Variants in OR52H1 observed in about 807,000 individuals in gnomAD.
OR52H1 encodes olfactory receptor family 52 subfamily H member 1, also known as olfactory receptor 52H1.
For synonymous variants in OR52H1, 148 were observed against 138.6 expected (o/e 1.07, Z -0.48); for missense variants, 383 against 396.4 (o/e 0.97, Z 0.29).
intron 1 of OR52H1, among the ~76,000 whole-genome samples, chr11:5,546,648 T>C (rs754012963): frequency 6.6e-6 from 1 of 152,234 alleles, no homozygotes; most frequent in Non-Finnish European, 1.5e-5. Context: ...CCAACTTGTC[T>C]GAGGTCATCC....
intron 1 of OR52H1, among the ~76,000 whole-genome samples, chr11:5,548,168 G>A (rs1846878065): frequency 1.3e-5 from 2 of 152,164 alleles, no homozygotes; most frequent in African/African-American, 2.4e-5. Flanking sequence ...TAGAGTTATG[G>A]ACTCTTGTCA....
Position 5,545,394 on chromosome 11 carries a change from T to G in OR52H1, c.112A>C (p.Ile38Leu), listed in dbSNP as rs764311957. 1.2e-6 allele frequency: 2 copies of G among 1,614,090 alleles called. No homozygotes were observed. Among genetic ancestry groups the G allele is most frequent in the Admixed American group, 1.7e-5 (1 of 60,014 alleles). The change falls in exon 2 of 2, where the codon ATT becomes CTT. Residue 38 changes from isoleucine to leucine, a missense_variant. Transcript: ENST00000322653. ...ATGCAGTTTCCCACAACAGCTACAA[T>G]GTAGATGATACAGAAGGGAATTCCA... ...WIGIPFCIIYIVAVVGNCILL... is the reference protein window; with the variant it reads ...WIGIPFCIIYLVAVVGNCILL...
chr11:5,545,323 C>T lies in OR52H1; in HGVS notation c.183G>A (p.Met61Ile), dbSNP rs776319952. 6.2e-7 allele frequency: 1 copy of T among 1,614,164 alleles called. No homozygotes were observed. Among genetic ancestry groups the T allele is most frequent in the East Asian group, 2.2e-5 (1 of 44,880 alleles). Residue 61 changes from methionine (M) to isoleucine (I), a missense_variant, in exon 2 of 2, where the codon ATG becomes ATA. By Grantham distance (10) the Met-to-Ile change is conservative. Transcript: ENST00000322653. ...TGGCCAGCATGGAGAGAAAGAAGAACATGGGTTCATGAAGACTATGCTCCA... is the reference window on the plus strand; with the variant it reads ...TGGCCAGCATGGAGAGAAAGAAGAATATGGGTTCATGAAGACTATGCTCCA... ...IVVEHSLHEPMFFFLSMLAMT... is the reference protein window; with the variant it reads ...IVVEHSLHEPIFFFLSMLAMT...
At position 5,545,216 on chromosome 11, in the gene OR52H1, G is replaced by A. The variant is rs1345192221; in HGVS notation, c.290C>T (p.Pro97Leu). 6.2e-7 allele frequency: 1 copy of A among 1,614,024 alleles called. No individual in the cohort carries two copies. Among genetic ancestry groups the A allele is most frequent in the African/African-American group, 1.3e-5 (1 of 74,916 alleles). Residue 97 changes from proline to leucine, a missense_variant, in exon 2 of 2, where the codon CCA (proline) becomes CTA (leucine). Coordinates refer to ENST00000322653, the MANE Select transcript of OR52H1 (RefSeq NM_001005289.5). The part of the protein sequence containing the change: ...FWLGAREITF[P>L]GCLTQMFFLH... ...GAAGAACATTTGTGTAAGGCATCCT[G>A]GGAATGTGATTTCGCGAGCCCCTAG...
In OR52H1 at chr11:5,545,096, A is replaced by G. The variant is rs778927888; in HGVS notation, c.410T>C (p.Ile137Thr). The change falls in exon 2 of 2, where the codon ATC becomes ACC. Residue 137 changes from isoleucine to threonine, a missense_variant. By Grantham distance (89) the Ile-to-Thr change is moderately conservative. Coordinates refer to ENST00000322653, the MANE Select transcript of OR52H1 (RefSeq NM_001005289.5). ...AICSPLRYTT[I>T]LTPKTIIKSA... ...CTTGATGATGGTCTTGGGAGTCAAG[A>G]TGGTGGTATATCTCAAGGGAGAACA... The G allele has an allele frequency of 6.2e-7, 1 of 1,614,164 alleles. No homozygotes were observed. The highest frequency in any genetic ancestry group is 1.3e-5 in the African/African-American group (1 of 75,056).
rs370259529 is a variant in OR52H1 at position 5,545,468 on chromosome 11, G to A, written c.38C>T (p.Pro13Leu). 1.9e-6 allele frequency: 3 copies of A among 1,614,102 alleles called. No homozygotes were observed. In the South Asian group the frequency reaches 3.3e-5, roughly 18 times the overall value. The change falls in exon 2 of 2, where the codon CCC becomes CTC. Residue 13 changes from proline to leucine, a missense_variant. Physicochemically the swap from Pro to Leu is moderately conservative, Grantham distance 98 (BLOSUM62 -3). Coordinates refer to ENST00000322653, the MANE Select transcript of OR52H1 (RefSeq NM_001005289.5). ...GCCTGGGATCCCTACCAGAATGAAGGGTCCTGGATTGTAACTGCTCAGGTT... is the reference window on the plus strand; with the variant it reads ...GCCTGGGATCCCTACCAGAATGAAGAGTCCTGGATTGTAACTGCTCAGGTT... Reference protein sequence around the residue: ...IFNLSSYNPGPFILVGIPGLE... With the variant: ...IFNLSSYNPGLFILVGIPGLE...
Position 5,545,097 on chromosome 11 carries a change from T to C in OR52H1, c.409A>G (p.Ile137Val), listed in dbSNP as rs750440917. ...TTGATGATGGTCTTGGGAGTCAAGATGGTGGTATATCTCAAGGGAGAACAG... is the reference window on the plus strand; with the variant it reads ...TTGATGATGGTCTTGGGAGTCAAGACGGTGGTATATCTCAAGGGAGAACAG... Reference protein sequence around the residue: ...AICSPLRYTTILTPKTIIKSA... With the variant: ...AICSPLRYTTVLTPKTIIKSA... Residue 137 changes from isoleucine (I) to valine (V), a missense_variant, in exon 2 of 2, where the codon ATC becomes GTC. By Grantham distance (29) the Ile-to-Val change is conservative. Coordinates refer to ENST00000322653, the MANE Select transcript of OR52H1 (RefSeq NM_001005289.5). 6.2e-7 allele frequency: 1 copy of C among 1,614,050 alleles called. No individual in the cohort carries two copies. The highest frequency in any genetic ancestry group is 2.2e-5 in the East Asian group (1 of 44,868).
chr11:5,546,377 T>C (rs1321382082), intron 1 of OR52H1, among the ~76,000 whole-genome samples: 1 of 152,122 alleles, frequency 6.6e-6, no homozygotes, highest in Non-Finnish European at 1.5e-5. Context: ...AGACCCTTAA[T>C]ACTTACATTC....
chr11:5,545,581 C>G (rs563634187), intron 1 of OR52H1, 46 bp from the exon 2 acceptor site: 117 of 1,509,328 alleles, frequency 7.8e-5, no homozygotes, highest in African/African-American at 6.5e-4. Context: ...GAGTAACTCT[C>G]AAACTTTCAA....
rs761950199 is a variant in OR52H1, at chr11:5,544,719, C to A, written c.787G>T (p.Ala263Ser). 9 of 1,613,840 alleles carry A rather than the reference C, an allele frequency of 5.6e-6. No homozygotes were observed. Among genetic ancestry groups the A allele is most frequent in the Admixed American group, 1.7e-5 (1 of 59,972 alleles). Reference sequence around the variant, plus strand: ...GAGACATTGTGTCCAAAGCGATGGGCGAGGATGGAGAAAAAGGCAGGTGTA... The same window carrying A: ...GAGACATTGTGTCCAAAGCGATGGGAGAGGATGGAGAAAAAGGCAGGTGTA... ...FYTPAFFSIL[A>S]HRFGHNVSRT... is the part of the protein sequence containing the mutation. The change falls in exon 2 of 2, where the codon GCC (alanine) becomes TCC (serine). Residue 263 changes from alanine (A) to serine (S), a missense_variant. By Grantham distance (99) the Ala-to-Ser change is moderately conservative (BLOSUM62 1). Coordinates refer to ENST00000322653, the MANE Select transcript of OR52H1 (RefSeq NM_001005289.5).
Position 5,544,605 on chromosome 11 carries a change from T to A in OR52H1, c.901A>T (p.Ile301Phe). Reference protein sequence around the residue: ...PMVYGVKTKQIRDKVILLFSK... With the variant: ...PMVYGVKTKQFRDKVILLFSK... ...AACAAAAGTATAACCTTATCTCTGATCTGCTTGGTCTTCACTCCGTAAACC... is the reference window on the plus strand; with the variant it reads ...AACAAAAGTATAACCTTATCTCTGAACTGCTTGGTCTTCACTCCGTAAACC... Residue 301 changes from isoleucine (I) to phenylalanine (F), a missense_variant, in exon 2 of 2, where the codon ATC becomes TTC. By Grantham distance (21) the Ile-to-Phe change is conservative (BLOSUM62 0). Coordinates refer to ENST00000322653, the MANE Select transcript of OR52H1 (RefSeq NM_001005289.5). 2.5e-6 allele frequency: 4 copies of A among 1,612,746 alleles called. No individual in the cohort carries two copies. Among genetic ancestry groups the A allele is most frequent in the Non-Finnish European group, 3.4e-6 (4 of 1,179,408 alleles).
intron 1 of OR52H1, among the ~76,000 whole-genome samples, chr11:5,548,238 G>A (rs1846879928): frequency 6.7e-6 from 1 of 149,886 alleles, no homozygotes; most frequent in African/African-American, 2.5e-5. Context: ...ACGCAGCTGT[G>A]TAATTGTCCA....
At chr11:5,546,699 T>C (rs1846860849) in intron 1 of OR52H1, among the ~76,000 whole-genome samples, 2 of 152,222 alleles carry the variant, frequency 1.3e-5, no homozygotes. Flanking sequence ...CTCAAGTTTT[T>C]GTATTTCCAT....
chr11:5,544,946 G>A lies in OR52H1; in HGVS notation c.560C>T (p.Ala187Val), dbSNP rs373202659. The change falls in exon 2 of 2, where the codon GCC becomes GTC. Residue 187 changes from alanine to valine, a missense_variant. Transcript: ENST00000322653. ...PHTYCEHIGV[A>V]QLACADISIN... ...GGAGATATCAGCACAGGCGAGCTGG[G>A]CAACACCTATATGCTCACAGTATGT... 1.7e-5 allele frequency: 28 copies of A among 1,614,060 alleles called. No homozygotes were observed. Among genetic ancestry groups the A allele is most frequent in the Non-Finnish European group, 2.3e-5 (27 of 1,180,038 alleles).
Position 5,544,667 on chromosome 11 carries a change from T to C in OR52H1, c.839A>G (p.Asn280Ser), listed in dbSNP as rs371626487. The C allele has an allele frequency of 3.2e-5, 51 of 1,614,018 alleles. No homozygotes were observed. Among genetic ancestry groups the C allele is most frequent in the Admixed American group, 1.8e-4 (11 of 59,982 alleles). Residue 280 changes from asparagine to serine, a missense_variant, in exon 2 of 2, where the codon AAT becomes AGT. Physicochemically the swap from Asn to Ser is conservative, Grantham distance 46 (BLOSUM62 1). Coordinates refer to ENST00000322653, the MANE Select transcript of OR52H1 (RefSeq NM_001005289.5). ...TGCAGGTGGGATAACAATGTAGAGA[T>C]TGGCAAACATGATGTGGAAGGTGCG... ...VSRTFHIMFA[N>S]LYIVIPPALN...
At chr11:5,547,306 T>G (rs956183210) in intron 1 of OR52H1, among the ~76,000 whole-genome samples, 7 of 152,314 alleles carry the variant, frequency 4.6e-5, no homozygotes, top group Non-Finnish European at 7.4e-5. Context: ...GGTATTGAAT[T>G]CAATTAATGA....
At chr11:5,545,649 TAGAA>T (rs1384179312) in intron 1 of OR52H1, 114 bp from the exon 2 acceptor site, 13 of 1,035,400 alleles carry the variant, frequency 1.3e-5, no homozygotes, top group Non-Finnish European at 1.8e-5. Context: ...TCATCCAAAA[TAGAA>T]CCTGTCTGAA....
At chr11:5,546,736 A>G (rs1404727088) in intron 1 of OR52H1, among the ~76,000 whole-genome samples, 1 of 152,172 alleles carries the variant, frequency 6.6e-6, no homozygotes, top group Admixed American at 6.5e-5. Context: ...GATGTTCATG[A>G]AGTCATCCAA....
At position 5,545,362 on chromosome 11, in the gene OR52H1, G is replaced by C; in HGVS notation, c.144C>G (p.Leu48=). 1.2e-6 allele frequency: 2 copies of C among 1,614,212 alleles called. No homozygotes were observed. The highest frequency in any genetic ancestry group is 8.5e-7 in the Non-Finnish European group (1 of 1,180,034). ...GACTATGCTCCACCACAATGAGGTA[G>C]AGAAGGATGCAGTTTCCCACAACAG... The part of the protein sequence containing the change: ...IVAVVGNCIL[L]YLIVVEHSLH... Residue 48 remains leucine, a synonymous_variant, in exon 2 of 2, where the codon CTC becomes CTG. Transcript: ENST00000322653.
Sources: gnomAD v4.1 joint callset for allele counts (sites outside exome capture counted in the v4.1 genomes callset) on GRCh38, gnomAD v4.1.1 for gene constraint, MANE v1.5 for transcripts, NCBI Gene and HGNC (gene_info 2026-07-23, HGNC 2026-07-21) for gene names.